Variants in RBL1 observed in about 807,000 individuals in gnomAD.
RBL1 encodes the protein RB transcriptional corepressor like 1.
In RBL1, 82 loss-of-function variants were observed where a neutral mutation model predicts 123.0. That is an observed-to-expected ratio of 0.67 (90% confidence interval 0.56 to 0.80). The LOEUF (loss-of-function observed/expected upper bound fraction) is 0.80. Ranked by LOEUF, RBL1 falls within the 30% of genes least tolerant of loss-of-function variation. RBL1 has a pLI of 0.00. For synonymous variants in RBL1, 405 were observed against 441.3 expected, an observed-to-expected ratio of 0.92 and a Z score of 1.03; for missense variants, 1,171 against 1,299.6, an observed-to-expected ratio of 0.90 and a Z score of 1.52.
At chr20:37,091,574 G>C (rs572700186) in intron 1 of RBL1, among the ~76,000 whole-genome samples, 3 of 151,446 alleles carry the variant, frequency 2.0e-5, no homozygotes, top group African/African-American at 7.3e-5. Context: ...ACTGAGATGG[G>C]AGGATCATTT....
intron 2 of RBL1, among the ~76,000 whole-genome samples, chr20:37,072,977 G>A (rs924065707): frequency 3.3e-5 from 5 of 151,932 alleles, no homozygotes; most frequent in African/African-American, 1.2e-4. Context: ...TTTGAGATAG[G>A]GTCCCGCTCT....
chr20:37,044,965 C>T (rs2064794509), intron 12 of RBL1, among the ~76,000 whole-genome samples: 1 of 151,912 alleles, frequency 6.6e-6, no homozygotes, highest in Non-Finnish European at 1.5e-5. Context: ...TGCGTATATA[C>T]ACTATAATTC....
intron 21 of RBL1, among the ~76,000 whole-genome samples, chr20:37,000,748 C>T (rs1260399372): frequency 1.5e-5 from 2 of 132,098 alleles, no homozygotes; most frequent in South Asian, 2.4e-4. Context: ...GCCCGGCCAG[C>T]CGCCCCGTCC....
chr20:36,999,432 C>T (rs1015185575), intron 21 of RBL1, among the ~76,000 whole-genome samples: 2 of 144,744 alleles, frequency 1.4e-5, no homozygotes, highest in Non-Finnish European at 3.0e-5. Context: ...CCGTCTCCCT[C>T]CTCTCCCTCT....
At chr20:37,093,260 C>G (rs1309450435) in intron 1 of RBL1, among the ~76,000 whole-genome samples, 1 of 151,818 alleles carries the variant, frequency 6.6e-6, no homozygotes, top group African/African-American at 2.4e-5. Flanking sequence ...ACTCCAAATA[C>G]CTTTAAAAAA....
intron 7 of RBL1, among the ~76,000 whole-genome samples, chr20:37,065,177 C>A (rs949376214): frequency 2.0e-5 from 3 of 152,152 alleles, no homozygotes; most frequent in Admixed American, 1.3e-4. Context: ...AAGCAATCTG[C>A]CTGCCTTGGC....
intron 21 of RBL1, among the ~76,000 whole-genome samples, chr20:37,000,487 C>T (rs1330249797): frequency 7.0e-6 from 1 of 143,136 alleles, no homozygotes; most frequent in African/African-American, 2.6e-5. Context: ...CCCCCCCGCC[C>T]GGCCAGCCGC....
At chr20:37,038,982 G>A (rs537562215) in intron 14 of RBL1, among the ~76,000 whole-genome samples, 43 of 152,262 alleles carry the variant, frequency 2.8e-4, no homozygotes, top group Non-Finnish European at 1.8e-4. Flanking sequence ...ATCACACAGA[G>A]TCCAAAAATG....
chr20:37,007,263 C>A (rs935193311), intron 20 of RBL1, 148 bp downstream of exon 20: 3 of 823,480 alleles, frequency 3.6e-6, no homozygotes, highest in Non-Finnish European at 5.6e-6. Context: ...CTCTGTTGTA[C>A]CATAGCCTTA....
chr20:37,094,352 C>G (rs2146343304), intron 1 of RBL1, among the ~76,000 whole-genome samples: 1 of 152,356 alleles, frequency 6.6e-6, no homozygotes, highest in Admixed American at 6.5e-5. Flanking sequence ...GCTCTCCAGT[C>G]ATGCCACCCA....
At chr20:37,090,511 G>C (rs573757314) in intron 1 of RBL1, among the ~76,000 whole-genome samples, 1 of 152,188 alleles carries the variant, frequency 6.6e-6, no homozygotes, top group Middle Eastern at 3.2e-3. Context: ...AAGTTGGCAA[G>C]GGAGTCACAC....
At chr20:37,062,984 A>G (rs2065119900) in intron 7 of RBL1, among the ~76,000 whole-genome samples, 1 of 151,830 alleles carries the variant, frequency 6.6e-6, no homozygotes, top group African/African-American at 2.4e-5. Context: ...TCCGTCTCCA[A>G]AAAAAAATAT....
intron 2 of RBL1, among the ~76,000 whole-genome samples, chr20:37,086,828 A>G (rs955371400): frequency 2.0e-5 from 3 of 152,230 alleles, no homozygotes; most frequent in Non-Finnish European, 2.9e-5. Context: ...AAGGTGAAAA[A>G]AATTAATATA....
chr20:37,012,972 C>T (rs1443228424), intron 19 of RBL1, among the ~76,000 whole-genome samples: 2 of 150,372 alleles, frequency 1.3e-5, no homozygotes, highest in Non-Finnish European at 3.0e-5. Context: ...GTGGGGGGGT[C>T]AGCCCCCCGC....
intron 11 of RBL1, among the ~76,000 whole-genome samples, chr20:37,054,540 C>T (rs2064972128): frequency 6.6e-6 from 1 of 151,422 alleles, no homozygotes; most frequent in Non-Finnish European, 1.5e-5. Context: ...AAAAAATTTA[C>T]TTCTTTCAGC....
chr20:37,069,671 T>A (rs950485895), intron 2 of RBL1, among the ~76,000 whole-genome samples: 1 of 137,268 alleles, frequency 7.3e-6, no homozygotes, highest in Non-Finnish European at 1.6e-5. Context: ...GTGAGGAGCC[T>A]CTCCGCCCGA....
chr20:37,021,326 T>C (rs893575928), intron 17 of RBL1, among the ~76,000 whole-genome samples: 1 of 152,218 alleles, frequency 6.6e-6, no homozygotes, highest in African/African-American at 2.4e-5. Context: ...CCTGCTTCAC[T>C]GTCCATTAGT....
intron 21 of RBL1, among the ~76,000 whole-genome samples, chr20:37,002,495 C>T (rs1359846727): frequency 1.3e-5 from 2 of 150,846 alleles, no homozygotes; most frequent in Non-Finnish European, 1.5e-5. Context: ...AGGTGCCCAC[C>T]ACCATGCCCG....
intron 1 of RBL1, among the ~76,000 whole-genome samples, chr20:37,091,340 G>A (rs774328535): frequency 1.3e-5 from 2 of 150,386 alleles, no homozygotes; most frequent in South Asian, 2.1e-4. Flanking sequence ...CCTGCGCAAC[G>A]GGAGTGAGAC....
Sources: allele counts gnomAD v4.1 joint callset (sites outside exome capture counted in the v4.1 genomes callset), GRCh38; gene constraint gnomAD v4.1.1; transcripts MANE v1.5; gene names NCBI Gene and HGNC (gene_info 2026-07-23, HGNC 2026-07-21).